The following UQCRC2 variants were observed in gnomAD, a reference collection of about 807,000 sequenced individuals.
UQCRC2 encodes the protein cytochrome b-c1 complex subunit 2, mitochondrial.
In UQCRC2, 49 loss-of-function variants were observed where a neutral mutation model predicts 55.6. That is an observed-to-expected ratio of 0.88 (90% CI 0.70 to 1.12). The LOEUF is 1.12. UQCRC2 is among the 50% of genes most tolerant of loss of function. UQCRC2 has a pLI of 0.00. For missense variants in UQCRC2, 506 were observed against 547.8 expected (o/e 0.92, Z 0.76); for synonymous variants, 193 against 192.0 (o/e 1.01, Z -0.04).
intron 12 of UQCRC2, 51 bp downstream of exon 12, chr16:21,976,294 A>T: frequency 6.9e-7 from 1 of 1,444,290 alleles, no homozygotes; most frequent in Non-Finnish European, 9.7e-7. Flanking sequence ...TGAAAGTTGT[A>T]TTCTTTTCAG....
chr16:21,954,852 T>C (rs1445378493), intron 1 of UQCRC2, among the ~76,000 whole-genome samples: 1 of 149,900 alleles, frequency 6.7e-6, no homozygotes, highest in South Asian at 2.1e-4. Context: ...GAAACCAGTC[T>C]GGCCATCATG....
At chr16:21,963,145 C>G (rs926040160) in intron 6 of UQCRC2, 1 of 248,370 alleles carries the variant, frequency 4.0e-6, no homozygotes, top group African/African-American at 2.3e-5. Flanking sequence ...TGCACCACCA[C>G]ACCTGGCTAA....
intron 7 of UQCRC2, 30 bp from the exon 8 acceptor site, chr16:21,968,598 T>A (rs774068164): frequency 1.3e-6 from 2 of 1,572,270 alleles, no homozygotes; most frequent in South Asian, 2.3e-5. Flanking sequence ...TATGCTAATA[T>A]AACCTAATAA....
intron 4 of UQCRC2, among the ~76,000 whole-genome samples, chr16:21,960,898 A>G (rs367560500): frequency 2.0e-5 from 3 of 151,980 alleles, no homozygotes; most frequent in Non-Finnish European, 4.4e-5. Flanking sequence ...TGGTGCAGAC[A>G]TACCTTATTG....
In UQCRC2 at chr16:21,957,329, C is replaced by T; in HGVS notation, c.117+11C>T. The T allele has an allele frequency of 3.1e-6, 5 of 1,614,100 alleles. No individual in the cohort carries two copies. The highest frequency in any genetic ancestry group is 3.4e-6 in the Non-Finnish European group (4 of 1,180,016). On this transcript the variant is annotated intron_variant, in intron 2 of 13. Transcript: ENST00000268379. ...CCTCAGGACCTTGAGGTTAGTCCCA[C>T]TAACTTGCTCGCTGGAAGCTATACA... is the stretch of plus-strand genomic sequence containing the variant.
At chr16:21,970,332 T>C (rs1191054929) in intron 8 of UQCRC2, among the ~76,000 whole-genome samples, 1 of 152,228 alleles carries the variant, frequency 6.6e-6, no homozygotes. Flanking sequence ...CCAGGACATA[T>C]GGTAACTCTG....
Position 21,953,443 on chromosome 16 carries a change from C to T in UQCRC2, c.20C>T (p.Ala7Val), listed in dbSNP as rs1898044365. 1 of 1,613,236 alleles carries T rather than the reference C, an allele frequency of 6.2e-7. No homozygotes were observed. Among genetic ancestry groups the T allele is most frequent in the Non-Finnish European group, 8.5e-7 (1 of 1,179,690 alleles). The stretch of plus-strand genomic sequence containing the variant: ...TGAATCATGAAGCTACTAACCAGAG[C>T]CGGCTCTTTCTCGGTGAGCTCAGGT... MKLLTR[A>V]GSFSRFYSLK... Residue 7 changes from alanine (A) to valine (V), a missense_variant, in exon 1 of 14, where the codon GCC (alanine) becomes GTC (valine). Ala to Val is a moderately conservative substitution (Grantham distance 64). Transcript: ENST00000268379.
At chr16:21,971,497 A>G in intron 8 of UQCRC2, 28 bp from the exon 9 acceptor site, 1 of 1,558,790 alleles carries the variant, frequency 6.4e-7, no homozygotes, top group Non-Finnish European at 8.8e-7. Context: ...TTGTGGTTCT[A>G]GCTTTGTTTT....
At chr16:21,976,573 C>A in intron 12 of UQCRC2, 1 of 223,890 alleles carries the variant, frequency 4.5e-6, no homozygotes, top group Non-Finnish European at 8.9e-6. Context: ...GTTTATTGAT[C>A]ATGCATTTTT....
chr16:21,974,028 C>G (rs746896128), intron 11 of UQCRC2, 52 bp downstream of exon 11: 35 of 1,464,878 alleles, frequency 2.4e-5, no homozygotes, highest in East Asian at 2.1e-4. Context: ...TTTCTCCCCC[C>G]CGCCATAAAC....
intron 8 of UQCRC2, among the ~76,000 whole-genome samples, chr16:21,971,153 G>A (rs1049402678): frequency 6.6e-6 from 1 of 152,134 alleles, no homozygotes; most frequent in Non-Finnish European, 1.5e-5. Flanking sequence ...AATGGTGGTA[G>A]AGCCATAGAA....
At position 21,965,394 on chromosome 16, in the gene UQCRC2, C is replaced by T; in HGVS notation, c.515-14C>T. On this transcript the variant is annotated splice_polypyrimidine_tract_variant and intron_variant, in intron 6 of 13. Transcript: ENST00000268379. ...AAGTGCATTTCCCTAAATGCTTCTT[C>T]ACTTATCTCACAGATGTCATTGAAA... 1 of 1,612,090 alleles carries T rather than the reference C, an allele frequency of 6.2e-7. No individual in the cohort carries two copies. The highest frequency in any genetic ancestry group is 8.5e-7 in the Non-Finnish European group (1 of 1,178,462).
chr16:21,980,801 T>C lies in UQCRC2; in HGVS notation c.1278+101T>C, dbSNP rs2965803. 1,383,569 of 1,384,476 alleles carry C rather than the reference T, an allele frequency of 1. 691,353 individuals carry two copies. Among genetic ancestry groups the C allele is most frequent in the Middle Eastern group, 1 (3,984 of 3,984 alleles). 85.8% of individuals were successfully genotyped at this position (1,384,476 alleles called of 1,614,324 possible). Reference sequence around the variant, plus strand: ...GCGTCCTTGGGCAGTGTATTATTCTTATGTTTGGTGCTCATCTACTTAATG... The same window carrying C: ...GCGTCCTTGGGCAGTGTATTATTCTCATGTTTGGTGCTCATCTACTTAATG... On this transcript the variant is annotated intron_variant, in intron 13 of 13. Transcript: ENST00000268379.
intron 11 of UQCRC2, among the ~76,000 whole-genome samples, chr16:21,975,852 A>T (rs1228642518): frequency 6.6e-6 from 1 of 152,060 alleles, no homozygotes; most frequent in Non-Finnish European, 1.5e-5. Flanking sequence ...ACACTTTGGG[A>T]GGTTAAGGTG....
In UQCRC2 at chr16:21,965,621, G is replaced by A. The variant is rs139604247; in HGVS notation, c.612+116G>A. ...ATCTTCTAACTTTAAGAAATTCAGC[G>A]TGCTAGCTTTTTCATCCACCTGCTT... is the stretch of plus-strand genomic sequence containing the variant. On this transcript the variant is annotated intron_variant, in intron 7 of 13. Coordinates refer to ENST00000268379, the MANE Select transcript of UQCRC2 (RefSeq NM_003366.4). The A allele has an allele frequency of 9.4e-5, 80 of 853,652 alleles. No individual in the cohort carries two copies. The Middle Eastern group carries it at 1.1e-3, about 12-fold the overall frequency. 52.9% of individuals were successfully genotyped at this position (853,652 alleles called of 1,614,324 possible).
intron 8 of UQCRC2, among the ~76,000 whole-genome samples, chr16:21,970,555 A>C (rs1898434504): frequency 6.6e-6 from 1 of 152,060 alleles, no homozygotes; most frequent in Admixed American, 6.6e-5. Flanking sequence ...ACATATTTTC[A>C]TGTGCTTTTT....
At chr16:21,977,240 G>A (rs1272676144) in intron 12 of UQCRC2, among the ~76,000 whole-genome samples, 1 of 151,958 alleles carries the variant, frequency 6.6e-6, no homozygotes, top group Non-Finnish European at 1.5e-5. Context: ...TGTAGCCTCA[G>A]CTACTCAGGA....
intron 1 of UQCRC2, among the ~76,000 whole-genome samples, chr16:21,955,550 T>G (rs1232776739): frequency 2.0e-5 from 3 of 152,200 alleles, no homozygotes; most frequent in Non-Finnish European, 4.4e-5. Flanking sequence ...TTGTATAACA[T>G]TTGCCAAAAC....
At chr16:21,957,137 G>A (rs551931826) in intron 1 of UQCRC2, 98 bp from the exon 2 acceptor site, 47 of 1,166,400 alleles carry the variant, frequency 4.0e-5, no homozygotes, top group Admixed American at 1.7e-4. Context: ...TTCCACCCCC[G>A]AACACCCTCT....
Sources: allele counts gnomAD v4.1 joint callset (sites outside exome capture counted in the v4.1 genomes callset), GRCh38; gene constraint gnomAD v4.1.1; transcripts MANE v1.5; gene names NCBI Gene and HGNC (gene_info 2026-07-23, HGNC 2026-07-21).